The following CACNA1D variants were observed in gnomAD, a reference collection of about 807,000 sequenced individuals.
CACNA1D encodes the protein calcium voltage-gated channel subunit alpha1 D, also known as voltage-dependent L-type calcium channel subunit alpha-1D.
In CACNA1D, 55 loss-of-function variants were observed where a neutral mutation model predicts 257.1. The observed-to-expected ratio is 0.21, with a 90% CI of 0.17 to 0.27. CACNA1D has a LOEUF of 0.27. Ranked by LOEUF, CACNA1D falls within the 10% of genes least tolerant of loss-of-function variation. CACNA1D has a pLI of 1.00. For missense variants in CACNA1D, 1,876 were observed against 2,784.0 expected, an observed-to-expected ratio of 0.67 and a Z score of 7.34; for synonymous variants, 980 against 1,014.9, an observed-to-expected ratio of 0.97 and a Z score of 0.65.
chr3:53,606,913 C>T (rs1022258020), intron 3 of CACNA1D, among the ~76,000 whole-genome samples: 9 of 152,170 alleles, frequency 5.9e-5, no homozygotes, highest in African/African-American at 1.4e-4. Flanking sequence ...GTTATATTCA[C>T]GTTTCATAAG....
chr3:53,696,587 A>C (rs1576381685), intron 8 of CACNA1D, among the ~76,000 whole-genome samples: 1 of 152,282 alleles, frequency 6.6e-6, no homozygotes, highest in East Asian at 1.9e-4. Flanking sequence ...TTTCTGGTGA[A>C]TTAGAGGCAG....
intron 27 of CACNA1D, among the ~76,000 whole-genome samples, chr3:53,750,132 C>G (rs1212291723): frequency 6.6e-6 from 1 of 152,218 alleles, no homozygotes; most frequent in Non-Finnish European, 1.5e-5. Flanking sequence ...TGGCATCATT[C>G]TTGATCTGAC....
intron 3 of CACNA1D, among the ~76,000 whole-genome samples, chr3:53,529,682 C>A (rs1459908347): frequency 1.3e-5 from 2 of 152,160 alleles, no homozygotes; most frequent in Non-Finnish European, 2.9e-5. Flanking sequence ...AAATGGCATA[C>A]ATAACTGTTG....
intron 39 of CACNA1D, chr3:53,786,577 T>C (rs986936466): frequency 2.7e-5 from 14 of 515,652 alleles, no homozygotes; most frequent in African/African-American, 2.7e-4. Context: ...AAATATATTA[T>C]TTTCTGCAAC....
At chr3:53,799,112 G>A (rs1171665827) in intron 40 of CACNA1D, among the ~76,000 whole-genome samples, 1 of 152,196 alleles carries the variant, frequency 6.6e-6, no homozygotes, top group Non-Finnish European at 1.5e-5. Context: ...ACAGAGCTGT[G>A]GACAGACTGC....
At chr3:53,689,142 G>A (rs976991962) in intron 8 of CACNA1D, among the ~76,000 whole-genome samples, 6 of 152,146 alleles carry the variant, frequency 3.9e-5, no homozygotes, top group African/African-American at 7.2e-5. Flanking sequence ...CAAGGAAGCT[G>A]GGCTCCAGTT....
At chr3:53,764,065 G>A (rs550378286) in intron 30 of CACNA1D, among the ~76,000 whole-genome samples, 2 of 152,268 alleles carry the variant, frequency 1.3e-5, no homozygotes, top group South Asian at 2.1e-4. Flanking sequence ...GTCATGCCAC[G>A]CTATGACCAG....
At chr3:53,717,094 C>T (rs2094827747) in intron 9 of CACNA1D, among the ~76,000 whole-genome samples, 1 of 152,244 alleles carries the variant, frequency 6.6e-6, no homozygotes, top group African/African-American at 2.4e-5. Context: ...GCCACACGGG[C>T]AGAGCCCATG....
intron 3 of CACNA1D, among the ~76,000 whole-genome samples, chr3:53,628,120 C>T (rs1310962478): frequency 6.6e-6 from 1 of 152,176 alleles, no homozygotes; most frequent in African/African-American, 2.4e-5. Flanking sequence ...AGGAAGCAGT[C>T]ACCCAACTCT....
At chr3:53,540,166 T>C (rs2092257824) in intron 3 of CACNA1D, among the ~76,000 whole-genome samples, 1 of 152,132 alleles carries the variant, frequency 6.6e-6, no homozygotes, top group African/African-American at 2.4e-5. Flanking sequence ...TCACCCAGGC[T>C]AGAGTGCAGT....
intron 3 of CACNA1D, among the ~76,000 whole-genome samples, chr3:53,563,922 T>C (rs1343459603): frequency 6.6e-6 from 1 of 152,224 alleles, no homozygotes; most frequent in Non-Finnish European, 1.5e-5. Context: ...CTATTGTGGG[T>C]ACATCTTCAG....
At chr3:53,529,708 A>G (rs1400331242) in intron 3 of CACNA1D, among the ~76,000 whole-genome samples, 1 of 152,242 alleles carries the variant, frequency 6.6e-6, no homozygotes, top group Non-Finnish European at 1.5e-5. Context: ...GAAGCAGTGC[A>G]TCAGAGAGGC....
intron 3 of CACNA1D, among the ~76,000 whole-genome samples, chr3:53,540,824 C>T (rs2092278373): frequency 6.6e-6 from 1 of 152,082 alleles, no homozygotes; most frequent in African/African-American, 2.4e-5. Flanking sequence ...TCACTGCTAC[C>T]TCCGCCTCCT....
At chr3:53,551,451 C>G (rs1344278147) in intron 3 of CACNA1D, among the ~76,000 whole-genome samples, 1 of 152,230 alleles carries the variant, frequency 6.6e-6, no homozygotes, top group African/African-American at 2.4e-5. Flanking sequence ...GGTACAGAAG[C>G]CTGGGTTGCT....
At chr3:53,677,067 A>G (rs1209699709) in intron 8 of CACNA1D, among the ~76,000 whole-genome samples, 4 of 152,138 alleles carry the variant, frequency 2.6e-5, no homozygotes, top group Non-Finnish European at 5.9e-5. Context: ...TCACTTTTCA[A>G]ATTGTTAATT....
intron 3 of CACNA1D, among the ~76,000 whole-genome samples, chr3:53,644,288 T>G (rs550043679): frequency 1.3e-5 from 2 of 152,358 alleles, no homozygotes; most frequent in South Asian, 4.1e-4. Context: ...CTAATTAACA[T>G]ATCTATTACC....
Position 53,774,722 on chromosome 3 carries a change from C to A in CACNA1D, c.4202+44C>A, listed in dbSNP as rs781143120. The A allele has an allele frequency of 8.8e-7, 1 of 1,142,848 alleles. No homozygotes were observed. The highest frequency in any genetic ancestry group is 1.5e-5 in the African/African-American group (1 of 65,850). The allele number at this position is 1,142,848 out of a possible 1,614,324, so 70.8% of individuals were successfully genotyped here. On this transcript the variant is annotated intron_variant, in intron 34 of 47. Coordinates refer to ENST00000350061, the MANE Select transcript of CACNA1D (RefSeq NM_001128840.3). The surrounding 1 kb of genome is among the most constrained non-coding windows in gnomAD (Gnocchi z 4.3). ...GGCGGTGCTCCTGGGCAGGGGGGTC[C>A]GCTAGGCGTGGGTCCAGAGGGACGG...
intron 40 of CACNA1D, among the ~76,000 whole-genome samples, chr3:53,790,167 T>C (rs1402870776): frequency 1.3e-5 from 2 of 152,234 alleles, no homozygotes; most frequent in Non-Finnish European, 2.9e-5. Context: ...CGTCATCCAT[T>C]GTTGCTACAT....
intron 3 of CACNA1D, among the ~76,000 whole-genome samples, chr3:53,574,933 G>A (rs1178076843): frequency 2.6e-5 from 4 of 152,222 alleles, no homozygotes; most frequent in Non-Finnish European, 4.4e-5. Flanking sequence ...AGTTGCCCTG[G>A]ATTCCTCGAT....
Sources: gnomAD v4.1 joint callset for allele counts (sites outside exome capture counted in the v4.1 genomes callset) on GRCh38, gnomAD v4.1.1 for gene constraint, Gnocchi (gnomAD v3.1) non-coding constraint, MANE v1.5 for transcripts, NCBI Gene and HGNC (gene_info 2026-07-23, HGNC 2026-07-21) for gene names.